The following UGT2A2 variants were observed in gnomAD, a reference collection of about 807,000 sequenced individuals.
The protein encoded by UGT2A2 is UDP glucuronosyltransferase family 2 member A2, also known as UDP-glucuronosyltransferase 2A2.
UGT2A2 carries 60 observed loss-of-function variants against 50.7 expected under a neutral mutation model. The observed-to-expected ratio is 1.18, with a 90% CI of 0.96 to 1.47. The LOEUF is 1.47. Among genes scored for constraint, UGT2A2 ranks in the 40% most tolerant of loss-of-function variants. The pLI is 0.00. For missense variants in UGT2A2, 762 were observed against 634.0 expected, an observed-to-expected ratio of 1.20 and a Z score of -2.17; for synonymous variants, 242 against 214.6, an observed-to-expected ratio of 1.13 and a Z score of -1.11.
intron 1 of UGT2A2, among the ~76,000 whole-genome samples, chr4:69,609,856 T>C (rs1719928446): frequency 6.6e-6 from 1 of 152,178 alleles, no homozygotes; most frequent in South Asian, 2.1e-4. Context: ...AGTCACCTGA[T>C]GGAAAACTGT....
chr4:69,615,235 C>T (rs551721831), intron 1 of UGT2A2, among the ~76,000 whole-genome samples: 12 of 152,126 alleles, frequency 7.9e-5, no homozygotes, highest in African/African-American at 2.9e-4. Context: ...TAAATCTAAT[C>T]TTTCTAATCT....
In UGT2A2 at chr4:69,604,621, CT is replaced by C. The variant is rs1408206536; in HGVS notation, c.743-5228del. ...AAATGCTCCAATTAAAAGACACAGA[CT>C]GGCAAATTGGATAAAGAGCCAAGAC... is the stretch of plus-strand genomic sequence containing the variant. On this transcript the variant is annotated intron_variant, in intron 1 of 5. Coordinates refer to ENST00000604629, the MANE Select transcript of UGT2A2 (RefSeq NM_001105677.2). 2.2e-5 allele frequency among the ~76,000 whole-genome samples: 3 copies of C among 136,908 alleles called. 1 individual carries two copies. Among genetic ancestry groups the C allele is most frequent in the African/African-American group, 8.9e-5 (3 of 33,878 alleles). 89.8% of individuals were successfully genotyped at this position (136,908 alleles called of 152,430 possible).
chr4:69,616,203 T>G (rs1720369336), intron 1 of UGT2A2, among the ~76,000 whole-genome samples: 1 of 149,308 alleles, frequency 6.7e-6, no homozygotes, highest in African/African-American at 2.5e-5. Context: ...AGATATAGAG[T>G]AGAGAGATGG....
chr4:69,605,091 T>C (rs1438471538), intron 1 of UGT2A2, among the ~76,000 whole-genome samples: 1 of 136,812 alleles, frequency 7.3e-6, no homozygotes, highest in Non-Finnish European at 1.6e-5. Flanking sequence ...TCTACAGAAT[T>C]ATCCACCCCA....
chr4:69,610,103 T>G (rs1157961879), intron 1 of UGT2A2, among the ~76,000 whole-genome samples: 1 of 152,238 alleles, frequency 6.6e-6, no homozygotes, highest in African/African-American at 2.4e-5. Flanking sequence ...GCAGCAAAAC[T>G]TTACACTCAT....
At chr4:69,607,017 C>T (rs1719668929) in intron 1 of UGT2A2, among the ~76,000 whole-genome samples, 1 of 135,562 alleles carries the variant, frequency 7.4e-6, no homozygotes. Context: ...AGATTCAATG[C>T]CATCCCCATC....
chr4:69,614,674 C>T (rs1303632546), intron 1 of UGT2A2, among the ~76,000 whole-genome samples: 1 of 152,140 alleles, frequency 6.6e-6, no homozygotes, highest in East Asian at 1.9e-4. Flanking sequence ...TGTACATCTA[C>T]AGTAAACTAC....
chr4:69,636,381 C>A (rs1291721125), intron 1 of UGT2A2, among the ~76,000 whole-genome samples: 1 of 152,076 alleles, frequency 6.6e-6, no homozygotes, highest in Non-Finnish European at 1.5e-5. Context: ...TGGGGTTTTA[C>A]CAGTTCTTCA....
intron 1 of UGT2A2, 71 bp from the exon 2 acceptor site, chr4:69,599,465 C>A: frequency 6.3e-7 from 1 of 1,577,482 alleles, no homozygotes; most frequent in Non-Finnish European, 8.5e-7. Context: ...AAAAAGCTAC[C>A]AGTAATTTCC....
intron 2 of UGT2A2, among the ~76,000 whole-genome samples, chr4:69,597,944 T>C (rs1432315): frequency 0.19 from 29,584 of 152,070 alleles, 3,496 homozygotes; most frequent in East Asian, 0.55. Flanking sequence ...TGTCTGCTAT[T>C]GTAAAACATG....
intron 1 of UGT2A2, among the ~76,000 whole-genome samples, chr4:69,616,332 C>T (rs964356310): frequency 6.6e-6 from 1 of 151,632 alleles, no homozygotes; most frequent in Non-Finnish European, 1.5e-5. Context: ...AATAGGATGA[C>T]TATAGTTAAT....
chr4:69,594,632 G>C lies in UGT2A2; in HGVS notation c.1176C>G (p.Tyr392Ter). 1 of 1,614,118 alleles carries C rather than the reference G, an allele frequency of 6.2e-7. No individual in the cohort carries two copies. Among genetic ancestry groups the C allele is most frequent in the Non-Finnish European group, 8.5e-7 (1 of 1,180,026 alleles). The change falls in exon 5 of 6, where the codon TAC becomes TAG. Residue 392 changes from tyrosine to a stop codon, truncating the protein, a stop_gained. Coordinates refer to ENST00000604629, the MANE Select transcript of UGT2A2 (RefSeq NM_001105677.2). LOFTEE classifies it high-confidence loss of function. ...GGTNGIYEAIYHGVPMVGVPM... is the reference protein window; with the variant it reads ...GGTNGIYEAI ...GAACTCCCACCATAGGGACTCCGTG[G>C]TAAATAGCTTCGTAGATCCCATTAG...
intron 1 of UGT2A2, among the ~76,000 whole-genome samples, chr4:69,624,867 T>C (rs28818211): frequency 0.35 from 53,016 of 150,992 alleles, 9,657 homozygotes; most frequent in African/African-American, 0.43. Flanking sequence ...TTTTTATTCA[T>C]TGACTTATTT....
At chr4:69,635,315 C>G (rs1466720831) in intron 1 of UGT2A2, among the ~76,000 whole-genome samples, 1 of 152,112 alleles carries the variant, frequency 6.6e-6, no homozygotes, top group South Asian at 2.1e-4. Context: ...TCTGCTCTCC[C>G]GATCTACAGT....
At chr4:69,605,006 G>A (rs1047076306) in intron 1 of UGT2A2, among the ~76,000 whole-genome samples, 5 of 136,102 alleles carry the variant, frequency 3.7e-5, no homozygotes, top group Non-Finnish European at 7.8e-5. Flanking sequence ...ACGTTAGACA[G>A]ATCAATGAGA....
At chr4:69,593,967 C>CTTTTTTTTTTTTTT (rs200066453) in intron 5 of UGT2A2, among the ~76,000 whole-genome samples, 3 of 107,816 alleles carry the variant, frequency 2.8e-5, no homozygotes, top group African/African-American at 1.0e-4. Context: ...TATTTGAAGT[C>CTTTTTTTTTTTTTT]TTTTTTTTTG....
At chr4:69,627,483 GGCAGGCAT>G (rs1721132209) in intron 1 of UGT2A2, among the ~76,000 whole-genome samples, 1 of 148,110 alleles carries the variant, frequency 6.8e-6, no homozygotes, top group African/African-American at 2.5e-5. Context: ...CAGGCAGGCA[GGCAGGCAT>G]GCAGGAAGGA....
intron 1 of UGT2A2, among the ~76,000 whole-genome samples, chr4:69,622,963 G>A (rs1487008891): frequency 6.6e-6 from 1 of 151,698 alleles, no homozygotes. Context: ...CACTTGCTAT[G>A]GGTCATAAAG....
intron 2 of UGT2A2, 42 bp from the exon 3 acceptor site, chr4:69,596,423 A>C: frequency 7.0e-7 from 1 of 1,433,412 alleles, no homozygotes; most frequent in Non-Finnish European, 9.2e-7. Flanking sequence ...GTGTAGCATC[A>C]TAAGAAAAAA....
Sources: allele counts gnomAD v4.1 joint callset (sites outside exome capture counted in the v4.1 genomes callset), GRCh38; gene constraint gnomAD v4.1.1; transcripts MANE v1.5; gene names NCBI Gene and HGNC (gene_info 2026-07-23, HGNC 2026-07-21).